The following SMARCA1 variants were observed in gnomAD, a reference collection of about 807,000 sequenced individuals.
SMARCA1 encodes SWI/SNF-related matrix-associated actin-dependent regulator of chromatin subfamily A member 1.
A neutral mutation model predicts 93.6 loss-of-function variants in SMARCA1; 17 were observed. The observed-to-expected ratio is 0.18, with a 90% confidence interval of 0.12 to 0.27. The LOEUF (loss-of-function observed/expected upper bound fraction) is 0.27. SMARCA1 is among the 10% of genes least tolerant of loss of function. The probability of loss-of-function intolerance (pLI) is 1.00; values close to 1 mark genes in which losing one functional copy is unlikely to be tolerated. For missense variants in SMARCA1, 630 were observed against 819.0 expected (o/e 0.77, Z 2.82); for synonymous variants, 271 against 271.4 (o/e 1.00, Z 0.01).
chrX:129,447,249 A>T lies in SMARCA1; in HGVS notation c.3142-16T>A, dbSNP rs1569419715. ...TTTTCTGTGACTAAAATGGAAACAG[A>T]TTTAATGTTCTGCTCCAATATGCAC... On this transcript the variant is annotated splice_polypyrimidine_tract_variant and intron_variant, in intron 24 of 24. Coordinates refer to ENST00000371121, the MANE Select transcript of SMARCA1 (RefSeq NM_001282874.2). 8.8e-7 allele frequency: 1 copy of T among 1,137,918 alleles called. No individual in the cohort carries two copies. The highest frequency in any genetic ancestry group is 3.3e-5 in the East Asian group (1 of 30,462). 93.8% of individuals were successfully genotyped at this position (1,137,918 alleles called of 1,213,427 possible).
At chrX:129,499,590 C>A in intron 10 of SMARCA1, 142 bp downstream of exon 10, 1 of 334,548 alleles carries the variant, frequency 3.0e-6, no homozygotes, top group Non-Finnish European at 5.4e-6. Context: ...CAAATTTTCT[C>A]TGAAAATATC....
chrX:129,496,845 T>C lies in SMARCA1; in HGVS notation c.1531A>G (p.Met511Val), dbSNP rs1934346492. The C allele has an allele frequency of 8.3e-7, 1 of 1,205,025 alleles. No homozygotes were observed. Among genetic ancestry groups the C allele is most frequent in the Non-Finnish European group, 1.1e-6 (1 of 891,551 alleles). Residue 511 changes from methionine (M) to valine (V), a missense_variant, in exon 12 of 25, where the codon ATG becomes GTG. Around this residue, in one of 4 missense-constraint regions of SMARCA1, gnomAD observed 382 missense variants for 537.9 expected, o/e 0.71. Transcript: ENST00000371121. Reference sequence around the variant, plus strand: ...TCCAAAATATCCAGCAAGCGAGTCATCTGGCTGAAAATGAGAACCCTTGAA... The same window carrying C: ...TCCAAAATATCCAGCAAGCGAGTCACCTGGCTGAAAATGAGAACCCTTGAA... The part of the protein sequence containing the change: ...QGSRVLIFSQ[M>V]TRLLDILEDY...
rs1030298952 is a variant in SMARCA1, at chrX:129,476,826, T to C, written c.2442+3875A>G. 1.3e-4 allele frequency among the ~76,000 whole-genome samples: 14 copies of C among 111,745 alleles called. No homozygotes were observed. The Admixed American group carries it at 1.3e-3, about 11-fold the overall frequency. ...TGTCTAACGGTTATATATCACATCATCCTTAAAAGGGAGCTTTTTAAGATG... is the reference window on the plus strand; with the variant it reads ...TGTCTAACGGTTATATATCACATCACCCTTAAAAGGGAGCTTTTTAAGATG... On this transcript the variant is annotated intron_variant, in intron 19 of 24. Coordinates refer to ENST00000371121, the MANE Select transcript of SMARCA1 (RefSeq NM_001282874.2).
At chrX:129,450,017 T>C (rs1472931334) in intron 23 of SMARCA1, among the ~76,000 whole-genome samples, 2 of 112,843 alleles carry the variant, frequency 1.8e-5, no homozygotes, top group Non-Finnish European at 3.7e-5. Context: ...CATTCACTGA[T>C]GATGAAATGT....
At chrX:129,468,701 G>T (rs189702010) in intron 21 of SMARCA1, 72 bp downstream of exon 21, 34 of 748,730 alleles carry the variant, frequency 4.5e-5, no homozygotes, top group Non-Finnish European at 1.4e-5. Flanking sequence ...CTGAACAAAG[G>T]TACAATTAAA....
rs965165554 is a variant in SMARCA1 at position 129,483,344 on chromosome X, T to C, written c.2218-2159A>G. ...GAGGCTGCATATCTGTCTTGGATGC[T>C]AAAGATGAGATTTCTTAATTACAAG... On this transcript the variant is annotated intron_variant, in intron 17 of 24. Coordinates refer to ENST00000371121, the MANE Select transcript of SMARCA1 (RefSeq NM_001282874.2). Among the ~76,000 whole-genome samples the C allele has an allele frequency of 2.7e-5, 3 of 111,602 alleles. No homozygotes were observed. In the Admixed American group the frequency reaches 2.9e-4, roughly 11 times the overall value.
At chrX:129,497,022 C>CA (rs1934361780) in intron 11 of SMARCA1, 151 bp from the exon 12 acceptor site, 16 of 423,665 alleles carry the variant, frequency 3.8e-5, no homozygotes, top group South Asian at 4.9e-5. Flanking sequence ...CACACACACA[C>CA]CCCCACACAC....
chrX:129,504,580 A>AAAAAAAAG (rs1934733856), intron 9 of SMARCA1, among the ~76,000 whole-genome samples, 154 bp downstream of exon 9: 1 of 101,866 alleles, frequency 9.8e-6, no homozygotes, highest in Non-Finnish European at 2.0e-5. Flanking sequence ...AAAAAAAAAA[A>AAAAAAAAG]ACAAAGAGGC....
chrX:129,516,241 G>C, intron 3 of SMARCA1, 90 bp downstream of exon 3: 2 of 833,872 alleles, frequency 2.4e-6, no homozygotes, highest in Non-Finnish European at 3.4e-6. Context: ...ACAATGAAGA[G>C]CGAAGGGGTG....
At position 129,481,100 on chromosome X, in the gene SMARCA1, C is replaced by T. The variant is rs1318171945; in HGVS notation, c.2303G>A (p.Arg768His). 4 of 1,203,552 alleles carry T rather than the reference C, an allele frequency of 3.3e-6. No individual in the cohort carries two copies. The highest frequency in any genetic ancestry group is 1.8e-5 in the South Asian group (1 of 56,324). Residue 768 changes from arginine (R) to histidine (H), a missense_variant, in exon 18 of 25, where the codon CGT becomes CAT. Transcript: ENST00000371121. ...CTTTGGAATCTTTGGCTCGCTGACA[C>T]GCAAAGCCTCTCTAAAGTAGGCATC... Reference protein sequence around the residue: ...AVDAYFREALRVSEPKIPKAP... With the variant: ...AVDAYFREALHVSEPKIPKAP...
At chrX:129,490,755 A>AGG (rs2124275854) in intron 14 of SMARCA1, among the ~76,000 whole-genome samples, 1 of 111,293 alleles carries the variant, frequency 9.0e-6, no homozygotes, top group African/African-American at 3.3e-5. Flanking sequence ...TTTAAAACAC[A>AGG]GAAGCTGCTA....
At chrX:129,516,078 T>C in intron 3 of SMARCA1, 84 bp from the exon 4 acceptor site, 6 of 753,747 alleles carry the variant, frequency 8.0e-6, no homozygotes, top group South Asian at 5.2e-5. Flanking sequence ...TATTATCTTT[T>C]ATAGAAAAAG....
chrX:129,492,877 T>A (rs1440093813), intron 13 of SMARCA1, among the ~76,000 whole-genome samples, 163 bp downstream of exon 13: 1 of 111,101 alleles, frequency 9.0e-6, no homozygotes, highest in Non-Finnish European at 1.9e-5. Flanking sequence ...TAAAACAACA[T>A]AATAACATTT....
intron 23 of SMARCA1, among the ~76,000 whole-genome samples, chrX:129,461,065 G>T (rs777269278): frequency 5.6e-4 from 63 of 111,801 alleles, no homozygotes; most frequent in African/African-American, 1.9e-3. Context: ...CACAGTATGT[G>T]ATTCTCTTTC....
At chrX:129,504,616 C>G (rs1432986567) in intron 9 of SMARCA1, 118 bp downstream of exon 9, 4 of 188,523 alleles carry the variant, frequency 2.1e-5, no homozygotes, top group East Asian at 2.8e-4. Flanking sequence ...GAGGGAGAAA[C>G]AGTGACATTG....
At chrX:129,447,296 T>C in intron 24 of SMARCA1, 63 bp from the exon 25 acceptor site, 1 of 1,089,011 alleles carries the variant, frequency 9.2e-7, no homozygotes, top group South Asian at 2.2e-5. Context: ...CCCAACAATG[T>C]TAAATCTAGG....
chrX:129,450,691 G>A lies in SMARCA1; in HGVS notation c.3031-2248C>T, dbSNP rs781166641. 2.7e-5 allele frequency among the ~76,000 whole-genome samples: 3 copies of A among 111,045 alleles called. No individual in the cohort carries two copies. The Admixed American group carries it at 2.9e-4, about 11-fold the overall frequency. On this transcript the variant is annotated intron_variant, in intron 23 of 24. Coordinates refer to ENST00000371121, the MANE Select transcript of SMARCA1 (RefSeq NM_001282874.2). ...ATTATTATTATTATATATATACACAGAAATAGCTAAAAGAATATTAACAAT... is the reference window on the plus strand; with the variant it reads ...ATTATTATTATTATATATATACACAAAAATAGCTAAAAGAATATTAACAAT...
chrX:129,496,744 C>T lies in SMARCA1; in HGVS notation c.1626+6G>A. The stretch of plus-strand genomic sequence containing the variant: ...CTGAAATCTTATTTTATTTTCTCTT[C>T]CTCACCTCTCTTTCTTCATGCGGGG... On this transcript the variant is annotated splice_donor_region_variant and intron_variant, in intron 12 of 24. Transcript: ENST00000371121. 2.5e-6 allele frequency: 3 copies of T among 1,200,521 alleles called. No individual in the cohort carries two copies. Among genetic ancestry groups the T allele is most frequent in the Non-Finnish European group, 3.4e-6 (3 of 889,724 alleles).
rs764751791 is a variant in SMARCA1 at position 129,490,052 on chromosome X, A to G, written c.1948+8T>C. ...AAAACACCTAATTAAGTTTCTATGTATAAATACCTTGTTGTATAACAATTG... is the reference window on the plus strand; with the variant it reads ...AAAACACCTAATTAAGTTTCTATGTGTAAATACCTTGTTGTATAACAATTG... On this transcript the variant is annotated splice_region_variant and intron_variant, in intron 15 of 24. Transcript: ENST00000371121. The G allele has an allele frequency of 8.6e-7, 1 of 1,165,226 alleles. No homozygotes were observed. Among genetic ancestry groups the G allele is most frequent in the South Asian group, 1.9e-5 (1 of 53,827 alleles).
Sources: gnomAD v4.1 joint callset for allele counts (sites outside exome capture counted in the v4.1 genomes callset) on GRCh38, gnomAD v4.1.1 for gene constraint, gnomAD v4.1.1 regional missense constraint, MANE v1.5 for transcripts, NCBI Gene and HGNC (gene_info 2026-07-23, HGNC 2026-07-21) for gene names.